The following KCNG2 variants were observed in gnomAD, a reference collection of about 807,000 sequenced individuals.
The protein encoded by KCNG2 is potassium voltage-gated channel modifier subfamily G member 2, also known as voltage-gated potassium channel regulatory subunit KCNG2.
In KCNG2, 7 loss-of-function variants were observed where a neutral mutation model predicts 12.3. The observed-to-expected ratio is 0.57, with a 90% CI of 0.32 to 1.07. The LOEUF is 1.07. KCNG2 is among the 50% of genes least tolerant of loss of function. The pLI is 0.04. For missense variants in KCNG2, 703 were observed against 726.0 expected (o/e 0.97, Z 0.36); for synonymous variants, 414 against 351.4 (o/e 1.18, Z -1.99).
intron 1 of KCNG2, among the ~76,000 whole-genome samples, chr18:79,850,875 C>T (rs1408944981): frequency 4.6e-5 from 7 of 152,176 alleles, no homozygotes; most frequent in Non-Finnish European, 7.3e-5. Context: ...CGAGGGCAGG[C>T]GCCGGACCAG....
chr18:79,899,467 G>A lies in KCNG2; in HGVS notation c.1052G>A (p.Arg351His), dbSNP rs371967916. 3.0e-5 allele frequency: 48 copies of A among 1,605,300 alleles called. No homozygotes were observed. Among genetic ancestry groups the A allele is most frequent in the African/African-American group, 3.0e-4 (22 of 74,066 alleles). ...HLAERELGAR[R>H]DFSSVPASYW... ...GCCGAGCGCGAGCTGGGCGCGCGCC[G>A]CGACTTCTCCAGCGTGCCCGCCAGC... The change falls in exon 4 of 4, where the codon CGC becomes CAC. Residue 351 changes from arginine (R) to histidine (H), a missense_variant. By Grantham distance (29) the Arg-to-His change is conservative. Transcript: ENST00000316249.
intron 1 of KCNG2, among the ~76,000 whole-genome samples, chr18:79,819,298 G>T (rs1236131253): frequency 6.6e-6 from 1 of 152,200 alleles, no homozygotes; most frequent in Non-Finnish European, 1.5e-5. Context: ...GCCAGCCTCA[G>T]CCCAGCTGGC....
intron 3 of KCNG2, among the ~76,000 whole-genome samples, chr18:79,891,367 A>T (rs1354423803): frequency 2.0e-5 from 3 of 152,086 alleles, no homozygotes; most frequent in Admixed American, 6.5e-5. Flanking sequence ...AGTAGCTGGG[A>T]CTGCAGGCAT....
In KCNG2 at chr18:79,836,291, G is replaced by A. The variant is rs181546225; in HGVS notation, c.-114-20088G>A. ...ATGTTACCAGAGACAGAGGAGAAAC[G>A]TTATGTAAAAATGAAGGATCTAAGA... On this transcript the variant is annotated intron_variant, in intron 1 of 3. Transcript: ENST00000316249. Among the ~76,000 whole-genome samples the A allele has an allele frequency of 7.7e-4, 117 of 152,292 alleles. 1 individual carries two copies. In the East Asian group the frequency reaches 0.017, roughly 22 times the overall value.
rs1004652364 is a variant in KCNG2, at chr18:79,884,381, G to A, written c.625-14659G>A. On this transcript the variant is annotated intron_variant, in intron 3 of 3. Transcript: ENST00000316249. This position sits in a 1 kb window ranked among gnomAD's most constrained non-coding sequence, Gnocchi z 5.5. The stretch of plus-strand genomic sequence containing the variant: ...CCCCAGCTCTGCAGCCCCCACCACT[G>A]CTGGATTCCCGTCCTCCGGTGAGGG... Among the ~76,000 whole-genome samples, 1 of 152,172 alleles carries A rather than the reference G, an allele frequency of 6.6e-6. No individual in the cohort carries two copies. Among genetic ancestry groups the A allele is most frequent in the African/African-American group, 2.4e-5 (1 of 41,444 alleles).
intron 1 of KCNG2, among the ~76,000 whole-genome samples, chr18:79,853,979 T>C (rs1308263372): frequency 2.0e-5 from 3 of 152,238 alleles, no homozygotes; most frequent in Non-Finnish European, 4.4e-5. Flanking sequence ...CACAGACCAG[T>C]TTCCAGTGGA....
Position 79,863,816 on chromosome 18 carries a change from G to A in KCNG2, c.149G>A (p.Arg50His). The part of the protein sequence containing the change: ...LARLERLRAC[R>H]GHDDLLRVCD... The stretch of plus-strand genomic sequence containing the variant: ...CGCCTGGAGCGCCTGCGCGCCTGCC[G>A]CGGCCACGACGACCTGCTGCGCGTG... Residue 50 changes from arginine (R) to histidine (H), a missense_variant, in exon 3 of 4, where the codon CGC becomes CAC. Transcript: ENST00000316249. 1 of 1,356,506 alleles carries A rather than the reference G, an allele frequency of 7.4e-7. No individual in the cohort carries two copies. The highest frequency in any genetic ancestry group is 9.5e-7 in the Non-Finnish European group (1 of 1,048,462). The allele number at this position is 1,356,506 out of a possible 1,614,324, so 84.0% of individuals were successfully genotyped here. A position where few individuals can be genotyped will look rare whatever the true frequency, so the allele number is the denominator to read the frequency against.
chr18:79,899,839 A>AC lies in KCNG2; in HGVS notation c.*28dup, dbSNP rs1160783429. The AC allele has an allele frequency of 7.5e-7, 1 of 1,339,666 alleles. No individual in the cohort carries two copies. 83.0% of individuals were successfully genotyped at this position (1,339,666 alleles called of 1,614,324 possible). On this transcript the variant is annotated 3_prime_UTR_variant, in exon 4 of 4. Transcript: ENST00000316249. The stretch of plus-strand genomic sequence containing the variant: ...TGACGCCTGCGCCGCCCACACGGAG[A>AC]CCCCCTGCCCCCTCCAGCTGCAGCG...
At position 79,899,312 on chromosome 18, in the gene KCNG2, G is replaced by A. The variant is rs771617275; in HGVS notation, c.897G>A (p.Met299Ile). ...LLRALRVLYV[M>I]RLARHSLGLR... Reference sequence around the variant, plus strand: ...GTGCGCTGCGCGTGCTCTACGTGATGCGCCTGGCGCGCCACTCGCTGGGGC... The same window carrying A: ...GTGCGCTGCGCGTGCTCTACGTGATACGCCTGGCGCGCCACTCGCTGGGGC... The change falls in exon 4 of 4, where the codon ATG (methionine) becomes ATA (isoleucine). Residue 299 changes from methionine (M) to isoleucine (I), a missense_variant. Transcript: ENST00000316249. The A allele has an allele frequency of 2.9e-5, 45 of 1,553,300 alleles. No individual in the cohort carries two copies. Among genetic ancestry groups the A allele is most frequent in the East Asian group, 7.1e-5 (3 of 42,512 alleles).
chr18:79,877,944 A>G (rs1414900773), intron 3 of KCNG2, among the ~76,000 whole-genome samples: 1 of 152,214 alleles, frequency 6.6e-6, no homozygotes, highest in Non-Finnish European at 1.5e-5. Context: ...ACCGGGCTGC[A>G]TGCCCATTCC....
intron 1 of KCNG2, among the ~76,000 whole-genome samples, chr18:79,855,091 C>A (rs1055053509): frequency 6.7e-6 from 1 of 150,066 alleles, no homozygotes; most frequent in Admixed American, 6.6e-5. Flanking sequence ...GTTTTTAATT[C>A]CTTCGTTCAT....
chr18:79,798,156 C>T (rs1303071916), intron 1 of KCNG2, among the ~76,000 whole-genome samples, 142 bp downstream of exon 1: 63 of 128,246 alleles, frequency 4.9e-4, no homozygotes, highest in Admixed American at 2.2e-3. Flanking sequence ...GCGGTGCGCG[C>T]GGGCGCGGGA....
At chr18:79,845,201 A>G (rs1978582270) in intron 1 of KCNG2, among the ~76,000 whole-genome samples, 1 of 152,234 alleles carries the variant, frequency 6.6e-6, no homozygotes, top group Admixed American at 6.5e-5. Flanking sequence ...AACATTCATA[A>G]CATTCTTGAA....
chr18:79,842,076 C>A (rs1978476426), intron 1 of KCNG2, among the ~76,000 whole-genome samples: 1 of 152,218 alleles, frequency 6.6e-6, no homozygotes, highest in Non-Finnish European at 1.5e-5. Flanking sequence ...ACAGGCCTAG[C>A]CTCCAGGCCC....
At chr18:79,861,831 C>G (rs1271812042) in intron 2 of KCNG2, among the ~76,000 whole-genome samples, 1 of 152,192 alleles carries the variant, frequency 6.6e-6, no homozygotes, top group Non-Finnish European at 1.5e-5. Context: ...CACTTGTTTT[C>G]TTTCTGCTCC....
At chr18:79,860,453 A>T (rs748375034) in intron 2 of KCNG2, among the ~76,000 whole-genome samples, 7 of 152,154 alleles carry the variant, frequency 4.6e-5, no homozygotes, top group Non-Finnish European at 7.4e-5. Flanking sequence ...TTCTTCCACC[A>T]ATGTTTGTAG....
chr18:79,833,446 C>T (rs115772412), intron 1 of KCNG2, among the ~76,000 whole-genome samples: 1 of 152,330 alleles, frequency 6.6e-6, no homozygotes, highest in African/African-American at 2.4e-5. Context: ...CTGCCTCTTA[C>T]TGCAGTTTGA....
At chr18:79,798,235 G>A (rs1224614528) in intron 1 of KCNG2, among the ~76,000 whole-genome samples, 3 of 151,998 alleles carry the variant, frequency 2.0e-5, no homozygotes, top group Admixed American at 1.3e-4. Context: ...GGCCGGGCGG[G>A]GCTGGTGCCT....
intron 3 of KCNG2, among the ~76,000 whole-genome samples, chr18:79,895,748 A>G (rs1980948222): frequency 6.6e-6 from 1 of 151,404 alleles, no homozygotes; most frequent in Non-Finnish European, 1.5e-5. Flanking sequence ...TAATGTTATG[A>G]TTTATATAGT....
Sources: gnomAD v4.1 joint callset for allele counts (sites outside exome capture counted in the v4.1 genomes callset) on GRCh38, gnomAD v4.1.1 for gene constraint, Gnocchi (gnomAD v3.1) non-coding constraint, MANE v1.5 for transcripts, NCBI Gene and HGNC (gene_info 2026-07-23, HGNC 2026-07-21) for gene names.